The following MYCL variants were observed in gnomAD, a reference collection of about 807,000 sequenced individuals.
MYCL encodes the protein protein L-Myc.
Under a neutral mutation model 31.0 loss-of-function variants are expected in MYCL, and 11 were observed. That is an observed-to-expected ratio of 0.35 (90% confidence interval 0.22 to 0.59). MYCL has a LOEUF of 0.59. MYCL is among the 20% of genes least tolerant of loss of function. The pLI is 0.79. For synonymous variants in MYCL, 208 were observed against 202.4 expected (o/e 1.03, Z -0.23); for missense variants, 427 against 486.1 (o/e 0.88, Z 1.14).
Position 39,897,044 on chromosome 1 carries a change from C to A in MYCL, c.*328G>T. On this transcript the variant is annotated 3_prime_UTR_variant, in exon 2 of 2. Coordinates refer to ENST00000372816, the MANE Select transcript of MYCL (RefSeq NM_001033081.3). The surrounding 1 kb of genome is among the most constrained non-coding windows in gnomAD (Gnocchi z 4.3). ...AGGCTGGAGCCCCTGACAACATCCA[C>A]CACCTGTTGCATAGCATCTGTCAGC... 3.3e-6 allele frequency: 1 copy of A among 299,046 alleles called. No homozygotes were observed. Among genetic ancestry groups the A allele is most frequent in the Non-Finnish European group, 6.3e-6 (1 of 159,670 alleles). 18.5% of individuals were successfully genotyped at this position (299,046 alleles called of 1,614,324 possible).
At chr1:39,898,716 A>G in intron 1 of MYCL, 3 of 985,494 alleles carry the variant, frequency 3.0e-6, no homozygotes, top group Non-Finnish European at 3.6e-6. Context: ...AACTTCACAA[A>G]GGTACAAGCG....
rs1265618247 is a variant in MYCL at position 39,897,125 on chromosome 1, T to C, written c.*247A>G. On this transcript the variant is annotated 3_prime_UTR_variant, in exon 2 of 2. Transcript: ENST00000372816. The surrounding 1 kb of genome is among the most constrained non-coding windows in gnomAD (Gnocchi z 4.3). ...CCCCAAGGCTCCTCAGTCAGCTGCC[T>C]GCTGGGAAGCCAAAGGCGCCAGAGA... 8.0e-6 allele frequency: 4 copies of C among 499,952 alleles called. No individual in the cohort carries two copies. In the Admixed American group the frequency reaches 1.1e-4, roughly 13 times the overall value. The allele number at this position is 499,952 out of a possible 1,614,324, so 31.0% of individuals were successfully genotyped here. A position where few individuals can be genotyped will look rare whatever the true frequency, so the allele number is the denominator to read the frequency against.
In MYCL at chr1:39,901,239, C is replaced by T; in HGVS notation, c.196G>A (p.Gly66Arg). The T allele has an allele frequency of 6.2e-7, 1 of 1,609,218 alleles. No individual in the cohort carries two copies. The highest frequency in any genetic ancestry group is 1.1e-5 in the South Asian group (1 of 90,458). Residue 66 changes from glycine (G) to arginine (R), a missense_variant, in exon 1 of 2, where the codon GGA (glycine) becomes AGA (arginine). By Grantham distance (125) the Gly-to-Arg change is moderately radical (BLOSUM62 -2). Transcript: ENST00000372816. This position sits in a 1 kb window ranked among gnomAD's most constrained non-coding sequence, Gnocchi z 6.9. ...TCCGCTTCGTCTCCGGTGCACCCTC[C>T]GGGCCACGGCTCCGGGGGACCAATC... ...PGIGPPEPWP[G>R]GCTGDEAESR...
At position 39,901,399 on chromosome 1, in the gene MYCL, G is replaced by A. The variant is rs201342258; in HGVS notation, c.36C>T (p.Asp12=). 287 of 1,613,086 alleles carry A rather than the reference G, an allele frequency of 1.8e-4. 1 individual carries two copies. Among genetic ancestry groups the A allele is most frequent in the Middle Eastern group, 1.3e-3 (8 of 6,050 alleles). Residue 12 remains aspartate, a synonymous_variant, in exon 1 of 2, where the codon GAC becomes GAT. Coordinates refer to ENST00000372816, the MANE Select transcript of MYCL (RefSeq NM_001033081.3). This position sits in a 1 kb window ranked among gnomAD's most constrained non-coding sequence, Gnocchi z 6.9. ...GGTAGAAATCCTCCCCGCAGTCATA[G>A]TCGTAGAAATAGTGCTGGTACGAGT... ...DYDSYQHYFY[D]YDCGEDFYRS...
rs148434848 is a variant in MYCL, at chr1:39,896,493, G to A, written c.*879C>T. On this transcript the variant is annotated 3_prime_UTR_variant, in exon 2 of 2. Transcript: ENST00000372816. Reference sequence around the variant, plus strand: ...CAAGTGCCCCTCGGAAAACACCTGGGCAGGGATCAAGTTCATGGGCCAGGA... The same window carrying A: ...CAAGTGCCCCTCGGAAAACACCTGGACAGGGATCAAGTTCATGGGCCAGGA... 5 of 217,194 alleles carry A rather than the reference G, an allele frequency of 2.3e-5. No homozygotes were observed. Among genetic ancestry groups the A allele is most frequent in the African/African-American group, 1.1e-4 (5 of 44,502 alleles). 13.5% of individuals were successfully genotyped at this position (217,194 alleles called of 1,614,324 possible).
intron 1 of MYCL, chr1:39,899,176 G>A (rs911010387): frequency 7.2e-6 from 5 of 690,186 alleles, no homozygotes; most frequent in Non-Finnish European, 8.9e-6. Context: ...GAGCTCTGCT[G>A]CCAATCACTT....
At position 39,897,050 on chromosome 1, in the gene MYCL, G is replaced by T. The variant is rs1256995789; in HGVS notation, c.*322C>A. 9.6e-6 allele frequency: 3 copies of T among 312,626 alleles called. No individual in the cohort carries two copies. The highest frequency in any genetic ancestry group is 1.8e-5 in the Non-Finnish European group (3 of 168,460). 19.4% of individuals were successfully genotyped at this position (312,626 alleles called of 1,614,324 possible). A position where few individuals can be genotyped will look rare whatever the true frequency, so the allele number is the denominator to read the frequency against. On this transcript the variant is annotated 3_prime_UTR_variant, in exon 2 of 2. Coordinates refer to ENST00000372816, the MANE Select transcript of MYCL (RefSeq NM_001033081.3). This position sits in a 1 kb window ranked among gnomAD's most constrained non-coding sequence, Gnocchi z 4.3. ...GAGCCCCTGACAACATCCACCACCT[G>T]TTGCATAGCATCTGTCAGCCTTTTC...
Position 39,897,952 on chromosome 1 carries a change from A to G in MYCL, c.515T>C (p.Val172Ala). ...PSDSENEEID[V>A]VTVEKRQSLG... The stretch of plus-strand genomic sequence containing the variant: ...AGACTGCCTCTTCTCTACTGTCACA[A>G]CATCAATTTCTTCATTCTCTGTCCG... Residue 172 changes from valine to alanine, a missense_variant, in exon 2 of 2, where the codon GTT becomes GCT. By Grantham distance (64) the Val-to-Ala change is moderately conservative. Coordinates refer to ENST00000372816, the MANE Select transcript of MYCL (RefSeq NM_001033081.3). This position sits in a 1 kb window ranked among gnomAD's most constrained non-coding sequence, Gnocchi z 4.3. 1 of 1,612,718 alleles carries G rather than the reference A, an allele frequency of 6.2e-7. No individual in the cohort carries two copies. Among genetic ancestry groups the G allele is most frequent in the Non-Finnish European group, 8.5e-7 (1 of 1,179,122 alleles).
At position 39,901,722 on chromosome 1, in the gene MYCL, C is replaced by CG. The variant is rs1172505870; in HGVS notation, c.-289dup. 2 of 1,211,166 alleles carry CG rather than the reference C, an allele frequency of 1.7e-6. No homozygotes were observed. Among genetic ancestry groups the CG allele is most frequent in the African/African-American group, 1.6e-5 (1 of 62,468 alleles). 75.0% of individuals were successfully genotyped at this position (1,211,166 alleles called of 1,614,324 possible). A position where few individuals can be genotyped will look rare whatever the true frequency, so the allele number is the denominator to read the frequency against. On this transcript the variant is annotated 5_prime_UTR_variant, in exon 1 of 2. An upstream open reading frame in the 5' UTR gains an earlier in-frame stop. Coordinates refer to ENST00000372816, the MANE Select transcript of MYCL (RefSeq NM_001033081.3). The surrounding 1 kb of genome is among the most constrained non-coding windows in gnomAD (Gnocchi z 6.9). ...GCTCCCAGGGCCCGGCGGGGCCGGG[C>CG]GGGGGCGCGCCGTGCCCAGAAGGCA...
rs150297602 is a variant in MYCL at position 39,897,747 on chromosome 1, T to C, written c.720A>G (p.Arg240=). The C allele has an allele frequency of 1.2e-4, 188 of 1,614,102 alleles. 1 individual carries two copies. The African/African-American group carries it at 2.4e-3, about 20-fold the overall frequency. ...CATCTTCCTTTTCCCCTGCAGCATC[T>C]CTCTCCAGAACCTCTTCTTGGGGAC... is the stretch of plus-strand genomic sequence containing the variant. ...ERGPQEEVLE[R]DAAGEKEDEE... is the part of the protein sequence containing the mutation. The change falls in exon 2 of 2, where the codon AGA becomes AGG. Residue 240 remains arginine, a synonymous_variant. Coordinates refer to ENST00000372816, the MANE Select transcript of MYCL (RefSeq NM_001033081.3). The surrounding 1 kb of genome is among the most constrained non-coding windows in gnomAD (Gnocchi z 4.3).
At chr1:39,900,286 G>A (rs1644523486) in intron 1 of MYCL, 1 of 985,596 alleles carries the variant, frequency 1.0e-6, no homozygotes, top group African/African-American at 1.7e-5. Context: ...GAGCATTGGG[G>A]AAGAGGGGCT....
Position 39,896,172 on chromosome 1 carries a change from C to T in MYCL, c.*1200G>A, listed in dbSNP as rs1426487888. On this transcript the variant is annotated 3_prime_UTR_variant, in exon 2 of 2. Coordinates refer to ENST00000372816, the MANE Select transcript of MYCL (RefSeq NM_001033081.3). Reference sequence around the variant, plus strand: ...CTCCTGGAGGCTCCTTTAAAACCCACCAGAAGCAAGTCCACCTTCTGGAGC... The same window carrying T: ...CTCCTGGAGGCTCCTTTAAAACCCATCAGAAGCAAGTCCACCTTCTGGAGC... 4.9e-6 allele frequency: 1 copy of T among 205,022 alleles called. No homozygotes were observed. 12.7% of individuals were successfully genotyped at this position (205,022 alleles called of 1,614,324 possible).
rs762663272 is a variant in MYCL at position 39,897,501 on chromosome 1, G to A, written c.966C>T (p.Ile322=). 4.3e-6 allele frequency: 7 copies of A among 1,614,200 alleles called. No homozygotes were observed. The highest frequency in any genetic ancestry group is 5.9e-6 in the Non-Finnish European group (7 of 1,180,034). ...GCAAGTATTCCAAGGCCTTGCTTAG[G>A]ATCACTACTTTGGGGGCCTTGGAGC... is the stretch of plus-strand genomic sequence containing the variant. ...ASCSKAPKVV[I]LSKALEYLQA... The change falls in exon 2 of 2, where the codon ATC becomes ATT. Residue 322 remains isoleucine, a synonymous_variant. Coordinates refer to ENST00000372816, the MANE Select transcript of MYCL (RefSeq NM_001033081.3). The surrounding 1 kb of genome is among the most constrained non-coding windows in gnomAD (Gnocchi z 4.3).
intron 1 of MYCL, 58 bp from the exon 2 acceptor site, chr1:39,898,028 A>G (rs1644500172): frequency 3.8e-6 from 6 of 1,560,324 alleles, no homozygotes; most frequent in Admixed American, 3.8e-5. Context: ...ACAAACATAG[A>G]CCCTACAGCT....
chr1:39,898,994 A>C (rs1326085826), intron 1 of MYCL: 1 of 985,446 alleles, frequency 1.0e-6, no homozygotes. Flanking sequence ...GCTTCTTTGC[A>C]TATCAGGAAG....
rs900039915 is a variant in MYCL, at chr1:39,896,743, C to T, written c.*629G>A. ...CAAGCTTTTTAAGTGTTCCCAGGGT[C>T]GCAGCATTGGGAGTGGGAGGAAGGG... On this transcript the variant is annotated 3_prime_UTR_variant, in exon 2 of 2. Transcript: ENST00000372816. 1.4e-5 allele frequency: 3 copies of T among 216,976 alleles called. No homozygotes were observed. The highest frequency in any genetic ancestry group is 2.3e-5 in the African/African-American group (1 of 44,362). The allele number at this position is 216,976 out of a possible 1,614,324, so 13.4% of individuals were successfully genotyped here.
chr1:39,900,968 C>G lies in MYCL; in HGVS notation c.467G>C (p.Cys156Ser), dbSNP rs960135101. ...GTCGCTTGGGCTCTCGGACCCGGAG[C>G]AGGCCTGGGTCTTGGGTTCGCCCAG... ...CPLGEPKTQA[C>S]SGSESPSDSE... Residue 156 changes from cysteine to serine, a missense_variant, in exon 1 of 2, where the codon TGC (cysteine) becomes TCC (serine). Physicochemically the swap from Cys to Ser is moderately radical, Grantham distance 112 (BLOSUM62 -1). Transcript: ENST00000372816. 3 of 1,495,456 alleles carry G rather than the reference C, an allele frequency of 2.0e-6. No individual in the cohort carries two copies. The African/African-American group carries it at 4.3e-5, about 21-fold the overall frequency. 92.6% of individuals were successfully genotyped at this position (1,495,456 alleles called of 1,614,324 possible).
chr1:39,901,089 C>A lies in MYCL; in HGVS notation c.346G>T (p.Gly116Cys), dbSNP rs1268967437. 4.4e-6 allele frequency: 7 copies of A among 1,577,922 alleles called. No homozygotes were observed. The highest frequency in any genetic ancestry group is 6.0e-6 in the Non-Finnish European group (7 of 1,162,358). The change falls in exon 1 of 2, where the codon GGC becomes TGC. Residue 116 changes from glycine to cysteine, a missense_variant. Physicochemically the swap from Gly to Cys is radical, Grantham distance 159. Transcript: ENST00000372816. The surrounding 1 kb of genome is among the most constrained non-coding windows in gnomAD (Gnocchi z 6.9). ...TTGGGCGGGTTCCCCCGGGGCGCGC[C>A]AGGAGCGAGCCGGTCGCTCACAGCT... ...ERAVSDRLAP[G>C]APRGNPPKAS...
Position 39,901,153 on chromosome 1 carries a change from G to T in MYCL, c.282C>A (p.Cys94Ter). The change falls in exon 1 of 2, where the codon TGC becomes TGA. Residue 94 changes from cysteine (C) to a stop codon, truncating the protein, a stop_gained. Transcript: ENST00000372816. LOFTEE classifies it high-confidence loss of function. This position sits in a 1 kb window ranked among gnomAD's most constrained non-coding sequence, Gnocchi z 6.9. ...CCCGGGCCGAGAAGCCGCTCCACATGCAGTCACGGCGTATGATGGAGGCGT... is the reference window on the plus strand; with the variant it reads ...CCCGGGCCGAGAAGCCGCTCCACATTCAGTCACGGCGTATGATGGAGGCGT... ...RNYASIIRRD[C>*]MWSGFSARER... 1 of 1,612,746 alleles carries T rather than the reference G, an allele frequency of 6.2e-7. No individual in the cohort carries two copies. The highest frequency in any genetic ancestry group is 2.2e-5 in the East Asian group (1 of 44,818).
Sources: allele counts gnomAD v4.1 joint callset, GRCh38; gene constraint gnomAD v4.1.1; non-coding constraint Gnocchi (gnomAD v3.1); transcripts MANE v1.5; gene names NCBI Gene and HGNC (gene_info 2026-07-23, HGNC 2026-07-21).